The following CBX8 variants were observed in gnomAD, a reference collection of about 807,000 sequenced individuals.
CBX8 encodes the protein chromobox protein homolog 8.
A neutral mutation model predicts 39.7 loss-of-function variants in CBX8; 8 were observed. That is an observed-to-expected ratio of 0.20 (90% CI 0.12 to 0.36). The LOEUF is 0.36. CBX8 is among the 10% of genes least tolerant of loss of function. CBX8 has a pLI of 1.00. For synonymous variants in CBX8, 268 were observed against 219.8 expected, an observed-to-expected ratio of 1.22 and a Z score of -1.94; for missense variants, 505 against 529.6, an observed-to-expected ratio of 0.95 and a Z score of 0.46.
Position 79,796,070 on chromosome 17 carries a change from GT to G in CBX8, c.232del (p.Thr78ProfsTer138). 1.2e-6 allele frequency: 2 copies of G among 1,614,138 alleles called. No individual in the cohort carries two copies. The highest frequency in any genetic ancestry group is 1.7e-6 in the Non-Finnish European group (2 of 1,180,016). Reference protein sequence around the residue: ...GPKKRGPKPKTFLLKAQAKAK... With the variant: ...GPKKRGPKPKXFLLKAQAKAK... ...CTGCCAACCTACTTTGAGGAGGAAG[GT>G]TTTGGGCTTGGGTCCACGCTTTTTG... On this transcript the variant is annotated frameshift_variant, in exon 4 of 5. Transcript: ENST00000269385. LOFTEE classifies it high-confidence loss of function.
chr17:79,796,374 G>GGTGT, intron 2 of CBX8, 59 bp from the exon 3 acceptor site: 10 of 1,565,316 alleles, frequency 6.4e-6, no homozygotes, highest in African/African-American at 1.3e-5. Flanking sequence ...GAGCAGAGGG[G>GGTGT]GTGTGTGTGT....
intron 2 of CBX8, 34 bp downstream of exon 2, chr17:79,796,463 G>C (rs567277917): frequency 7.4e-6 from 12 of 1,613,486 alleles, no homozygotes; most frequent in Non-Finnish European, 1.0e-5. Context: ...CCGAATAACA[G>C]TCTGGGGTTG....
intron 3 of CBX8, 25 bp downstream of exon 3, chr17:79,796,225 G>A (rs777589178): frequency 2.5e-6 from 4 of 1,614,134 alleles, no homozygotes; most frequent in Non-Finnish European, 3.4e-6. Flanking sequence ...CTAAGTGAGC[G>A]GCTGGGACTT....
rs758546662 is a variant in CBX8 at position 79,796,064 on chromosome 17, A to G, written c.239T>C (p.Leu80Pro). The change falls in exon 4 of 5, where the codon CTC becomes CCC. Residue 80 changes from leucine (L) to proline (P), a missense_variant. Coordinates refer to ENST00000269385, the MANE Select transcript of CBX8 (RefSeq NM_020649.3). Reference protein sequence around the residue: ...KKRGPKPKTFLLKAQAKAKAK... With the variant: ...KKRGPKPKTFPLKAQAKAKAK... ...TGGACACTGCCAACCTACTTTGAGG[A>G]GGAAGGTTTTGGGCTTGGGTCCACG... 6.2e-7 allele frequency: 1 copy of G among 1,614,060 alleles called. No homozygotes were observed. Among genetic ancestry groups the G allele is most frequent in the Admixed American group, 1.7e-5 (1 of 60,028 alleles).
In CBX8 at chr17:79,795,265, C is replaced by T. The variant is rs1386389942; in HGVS notation, c.540G>A (p.Arg180=). Residue 180 remains arginine (R), a synonymous_variant, in exon 5 of 5, where the codon CGG becomes CGA. Coordinates refer to ENST00000269385, the MANE Select transcript of CBX8 (RefSeq NM_020649.3). This position sits in a 1 kb window ranked among gnomAD's most constrained non-coding sequence, Gnocchi z 5.8. ...RERERERERE[R]GTSRVDDKPS... ...GCTTGTCATCCACTCTGCTGGTACC[C>T]CGCTCTCGTTCCCTCTCACGTTCCC... The T allele has an allele frequency of 6.2e-7, 1 of 1,610,212 alleles. No individual in the cohort carries two copies. The highest frequency in any genetic ancestry group is 1.3e-5 in the African/African-American group (1 of 75,044).
chr17:79,796,619 A>G, intron 1 of CBX8, 79 bp from the exon 2 acceptor site: 4 of 1,511,652 alleles, frequency 2.6e-6, no homozygotes, highest in Non-Finnish European at 3.7e-6. Context: ...GCGAAAATGC[A>G]TGCACCAGAT....
rs771935190 is a variant in CBX8, at chr17:79,795,152, G to T, written c.653C>A (p.Pro218His). Residue 218 changes from proline to histidine, a missense_variant, in exon 5 of 5, where the codon CCC becomes CAC. Pro to His is a moderately conservative substitution (Grantham distance 77). This residue lies in a region of CBX8 where 456 missense variants were observed against 389.2 expected (regional missense o/e 1.17). Transcript: ENST00000269385. The surrounding 1 kb of genome is among the most constrained non-coding windows in gnomAD (Gnocchi z 5.8). Reference sequence around the variant, plus strand: ...GAGGTACTCTCCGAGGCCGGCGCTGGGTTCGCCTAAGGGCCTCTGTGAGGG... The same window carrying T: ...GAGGTACTCTCCGAGGCCGGCGCTGTGTTCGCCTAAGGGCCTCTGTGAGGG... ...PDPSQRPLGE[P>H]SAGLGEYLKG... is the part of the protein sequence containing the mutation. 33 of 1,613,636 alleles carry T rather than the reference G, an allele frequency of 2.0e-5. No homozygotes were observed. Among genetic ancestry groups the T allele is most frequent in the Non-Finnish European group, 2.7e-5 (32 of 1,179,974 alleles).
At position 79,796,913 on chromosome 17, in the gene CBX8, G is replaced by A. The variant is rs780915869; in HGVS notation, c.69+17C>T. The A allele has an allele frequency of 5.6e-6, 9 of 1,601,322 alleles. No individual in the cohort carries two copies. In the East Asian group the frequency reaches 2.0e-4, roughly 36 times the overall value. ...AGGGCCCGGCCGCACGGAGGCCCTAGGCCCGGGGGCACCTACTTTCCGTAT... is the reference window on the plus strand; with the variant it reads ...AGGGCCCGGCCGCACGGAGGCCCTAAGCCCGGGGGCACCTACTTTCCGTAT... On this transcript the variant is annotated intron_variant, in intron 1 of 4. Transcript: ENST00000269385.
rs2145837333 is a variant in CBX8 at position 79,793,171 on chromosome 17, C to T, written c.*1464G>A. ...TCCGCCGGGCAGGGGCGTCCCAGGC[C>T]CCGCCGCCTCGCACGGCCTTCCCCG... On this transcript the variant is annotated 3_prime_UTR_variant, in exon 5 of 5. Transcript: ENST00000269385. The T allele has an allele frequency of 6.6e-6, 1 of 152,340 alleles. No individual in the cohort carries two copies. The highest frequency in any genetic ancestry group is 2.4e-5 in the African/African-American group (1 of 41,570). The allele number at this position is 152,340 out of a possible 1,614,324, so 9.4% of individuals were successfully genotyped here.
In CBX8 at chr17:79,794,463, C is replaced by T; in HGVS notation, c.*172G>A. The T allele has an allele frequency of 2.0e-6, 1 of 502,448 alleles. No homozygotes were observed. Among genetic ancestry groups the T allele is most frequent in the South Asian group, 4.2e-5 (1 of 23,682 alleles). The allele number at this position is 502,448 out of a possible 1,614,324, so 31.1% of individuals were successfully genotyped here. On this transcript the variant is annotated 3_prime_UTR_variant, in exon 5 of 5. Coordinates refer to ENST00000269385, the MANE Select transcript of CBX8 (RefSeq NM_020649.3). ...AAATATAACTCTAGAGATAATCTTTCCAACAAAAACTGAGGGGGAGGAAGG... is the reference window on the plus strand; with the variant it reads ...AAATATAACTCTAGAGATAATCTTTTCAACAAAAACTGAGGGGGAGGAAGG...
intron 2 of CBX8, 68 bp downstream of exon 2, chr17:79,796,429 C>G: frequency 6.2e-7 from 1 of 1,606,106 alleles, no homozygotes; most frequent in Non-Finnish European, 8.5e-7. Flanking sequence ...AATGTAAAGG[C>G]AAAAAGAGGA....
intron 2 of CBX8, 78 bp from the exon 3 acceptor site, chr17:79,796,393 T>C (rs1908093409): frequency 6.3e-7 from 1 of 1,579,916 alleles, no homozygotes; most frequent in Non-Finnish European, 8.7e-7. Context: ...GTGTGTAACT[T>C]TTCTCATTGC....
chr17:79,794,990 G>A lies in CBX8; in HGVS notation c.815C>T (p.Thr272Met), dbSNP rs759359140. Residue 272 changes from threonine (T) to methionine (M), a missense_variant, in exon 5 of 5, where the codon ACG (threonine) becomes ATG (methionine). Physicochemically the swap from Thr to Met is moderately conservative, Grantham distance 81. This residue lies in a region of CBX8 where 456 missense variants were observed against 389.2 expected (regional missense o/e 1.17). Transcript: ENST00000269385. The part of the protein sequence containing the change: ...GVTSPSSAEA[T>M]GKLAVDTFPA... ...GAAGGTGTCCACAGCCAGTTTGCCCGTGGCCTCAGCTGAGCTAGGGCTGGT... is the reference window on the plus strand; with the variant it reads ...GAAGGTGTCCACAGCCAGTTTGCCCATGGCCTCAGCTGAGCTAGGGCTGGT... The A allele has an allele frequency of 2.6e-5, 41 of 1,605,528 alleles. No individual in the cohort carries two copies. The highest frequency in any genetic ancestry group is 8.5e-5 in the Admixed American group (5 of 59,118).
chr17:79,794,224 G>T lies in CBX8; in HGVS notation c.*411C>A, dbSNP rs1907983288. ...GGGAGAAGGGAGGAGGGGTGAGGTG[G>T]GCAGGCCAAGCCCCTCCAGACACTC... On this transcript the variant is annotated 3_prime_UTR_variant, in exon 5 of 5. Coordinates refer to ENST00000269385, the MANE Select transcript of CBX8 (RefSeq NM_020649.3). 6.6e-6 allele frequency: 1 copy of T among 152,260 alleles called. No individual in the cohort carries two copies. The highest frequency in any genetic ancestry group is 2.4e-5 in the African/African-American group (1 of 41,368). The allele number at this position is 152,260 out of a possible 1,614,324, so 9.4% of individuals were successfully genotyped here. A position where few individuals can be genotyped will look rare whatever the true frequency, so the allele number is the denominator to read the frequency against.
chr17:79,796,986 C>T lies in CBX8; in HGVS notation c.13G>A (p.Ala5Thr), dbSNP rs764165202. MELSAVGERVFAAEA... is the reference protein window; with the variant it reads MELSTVGERVFAAEA... ...GCCGCGAACACCCGCTCCCCCACCG[C>T]TGAAAGCTCCATGTTGACTCGCCGC... The change falls in exon 1 of 5, where the codon GCG becomes ACG. Residue 5 changes from alanine (A) to threonine (T), a missense_variant. Transcript: ENST00000269385. 1.6e-5 allele frequency: 25 copies of T among 1,610,958 alleles called. No homozygotes were observed. The highest frequency in any genetic ancestry group is 2.1e-5 in the Non-Finnish European group (25 of 1,178,964).
At chr17:79,796,902 C>A in intron 1 of CBX8, 28 bp downstream of exon 1, 3 of 1,582,164 alleles carry the variant, frequency 1.9e-6, no homozygotes, top group East Asian at 2.3e-5. Flanking sequence ...CCCGGCCGCA[C>A]GGAGGCCCTA....
chr17:79,796,463 G>T, intron 2 of CBX8, 34 bp downstream of exon 2: 1 of 1,613,486 alleles, frequency 6.2e-7, no homozygotes, highest in East Asian at 2.2e-5. Context: ...CCGAATAACA[G>T]TCTGGGGTTG....
chr17:79,795,134 T>C lies in CBX8; in HGVS notation c.671A>G (p.Glu224Gly), dbSNP rs1239558308. 1 of 1,613,508 alleles carries C rather than the reference T, an allele frequency of 6.2e-7. No homozygotes were observed. Among genetic ancestry groups the C allele is most frequent in the Non-Finnish European group, 8.5e-7 (1 of 1,179,898 alleles). ...PLGEPSAGLG[E>G]YLKGRKLDDT... is the part of the protein sequence containing the mutation. ...GTCCAGCTTCCTGCCCTTGAGGTAC[T>C]CTCCGAGGCCGGCGCTGGGTTCGCC... is the stretch of plus-strand genomic sequence containing the variant. The change falls in exon 5 of 5, where the codon GAG becomes GGG. Residue 224 changes from glutamate (E) to glycine (G), a missense_variant. Physicochemically the swap from Glu to Gly is moderately conservative, Grantham distance 98. This residue lies in a region of CBX8 where 456 missense variants were observed against 389.2 expected (regional missense o/e 1.17). Transcript: ENST00000269385. This position sits in a 1 kb window ranked among gnomAD's most constrained non-coding sequence, Gnocchi z 5.8.
At chr17:79,796,666 G>A (rs889363240) in intron 1 of CBX8, 126 bp from the exon 2 acceptor site, 14 of 1,062,004 alleles carry the variant, frequency 1.3e-5, no homozygotes, top group Non-Finnish European at 2.0e-5. Context: ...GCACGCGCCC[G>A]CTGCATCACC....
Sources: allele counts gnomAD v4.1 joint callset, GRCh38; gene constraint gnomAD v4.1.1; regional missense constraint gnomAD v4.1.1; non-coding constraint Gnocchi (gnomAD v3.1); transcripts MANE v1.5; gene names NCBI Gene and HGNC (gene_info 2026-07-23, HGNC 2026-07-21).